Variants in EMP1 observed in about 807,000 individuals in gnomAD.
EMP1 encodes the protein epithelial membrane protein 1.
EMP1 carries 5 observed loss-of-function variants against 15.7 expected under a neutral mutation model. The ratio of observed to expected loss-of-function variants is 0.32; its 90% CI spans 0.17 to 0.67. EMP1 has a LOEUF of 0.67. Ranked by LOEUF, EMP1 falls within the 30% of genes least tolerant of loss-of-function variation. The pLI, the probability that EMP1 is intolerant of heterozygous loss-of-function variation, is 0.74. For missense variants in EMP1, 166 were observed against 194.2 expected (o/e 0.85, Z 0.86); for synonymous variants, 78 against 76.7 (o/e 1.02, Z -0.09).
In EMP1 at chr12:13,213,483, G is replaced by T. The variant is rs1410811544; in HGVS notation, c.83G>T (p.Trp28Leu). Residue 28 changes from tryptophan to leucine, a missense_variant, in exon 3 of 5, where the codon TGG becomes TTG. Physicochemically the swap from Trp to Leu is moderately conservative, Grantham distance 61 (BLOSUM62 -2). Coordinates refer to ENST00000256951, the MANE Select transcript of EMP1 (RefSeq NM_001423.3). ...MLFVSTIANV[W>L]LVSNTVDASV... Reference sequence around the variant, plus strand: ...TTTCTTTCCTTCTGGTTTCAGGTCTGGTTGGTTTCCAATACGGTAGATGCA... The same window carrying T: ...TTTCTTTCCTTCTGGTTTCAGGTCTTGTTGGTTTCCAATACGGTAGATGCA... The T allele has an allele frequency of 6.2e-7, 1 of 1,614,040 alleles. No individual in the cohort carries two copies. Among genetic ancestry groups the T allele is most frequent in the Non-Finnish European group, 8.5e-7 (1 of 1,179,948 alleles).
chr12:13,207,957 G>A (rs1208761195), intron 1 of EMP1, among the ~76,000 whole-genome samples: 1 of 152,196 alleles, frequency 6.6e-6, no homozygotes, highest in Admixed American at 6.5e-5. Context: ...CAAAAAGCGG[G>A]TCTTGCTTCA....
chr12:13,206,017 A>G (rs910724038), intron 1 of EMP1, among the ~76,000 whole-genome samples: 2 of 152,090 alleles, frequency 1.3e-5, no homozygotes, highest in Non-Finnish European at 2.9e-5. Flanking sequence ...GGTAGAAGAT[A>G]TGTTAGAGGG....
intron 1 of EMP1, among the ~76,000 whole-genome samples, chr12:13,207,607 G>A (rs750584673): frequency 3.3e-5 from 5 of 152,190 alleles, no homozygotes; most frequent in African/African-American, 9.7e-5. Flanking sequence ...GTGTGGCTCC[G>A]AGGTGCTGAT....
In EMP1 at chr12:13,218,066, A is replaced by G. The variant is rs1426830983; in HGVS notation, c.*3375A>G. ...GGTGAAATTTGTGCAAATTATGAGTATAAAGAGGGTGAGCTACAGAACTCT... is the reference window on the plus strand; with the variant it reads ...GGTGAAATTTGTGCAAATTATGAGTGTAAAGAGGGTGAGCTACAGAACTCT... On this transcript the variant is annotated 3_prime_UTR_variant, in exon 5 of 5. Transcript: ENST00000256951. 1 of 152,238 alleles carries G rather than the reference A, an allele frequency of 6.6e-6. No individual in the cohort carries two copies. The highest frequency in any genetic ancestry group is 1.9e-4 in the East Asian group (1 of 5,200). 9.4% of individuals were successfully genotyped at this position (152,238 alleles called of 1,614,324 possible). A position where few individuals can be genotyped will look rare whatever the true frequency, so the allele number is the denominator to read the frequency against.
Position 13,211,775 on chromosome 12 carries a change from C to T in EMP1, c.78+187C>T. On this transcript the variant is annotated intron_variant, in intron 2 of 4. Coordinates refer to ENST00000256951, the MANE Select transcript of EMP1 (RefSeq NM_001423.3). This position sits in a 1 kb window ranked among gnomAD's most constrained non-coding sequence, Gnocchi z 4.7. Reference sequence around the variant, plus strand: ...TAACAGGAGGATAAAAGTGAATGTCCACAGGAGTAATCCTGCCAGAGCTGT... The same window carrying T: ...TAACAGGAGGATAAAAGTGAATGTCTACAGGAGTAATCCTGCCAGAGCTGT... 1.6e-6 allele frequency: 1 copy of T among 637,076 alleles called. No individual in the cohort carries two copies. Among genetic ancestry groups the T allele is most frequent in the Non-Finnish European group, 2.7e-6 (1 of 370,936 alleles). 39.5% of individuals were successfully genotyped at this position (637,076 alleles called of 1,614,324 possible). A position where few individuals can be genotyped will look rare whatever the true frequency, so the allele number is the denominator to read the frequency against.
intron 1 of EMP1, among the ~76,000 whole-genome samples, chr12:13,208,213 C>T (rs138017320): frequency 6.6e-6 from 1 of 152,254 alleles, no homozygotes; most frequent in African/African-American, 2.4e-5. Flanking sequence ...GCAAGATTCA[C>T]AATGGGGCAG....
At chr12:13,204,613 G>A (rs1278728188) in intron 1 of EMP1, among the ~76,000 whole-genome samples, 1 of 152,202 alleles carries the variant, frequency 6.6e-6, no homozygotes, top group African/African-American at 2.4e-5. Flanking sequence ...GGCAGCTGCG[G>A]AGTTTCAGGT....
chr12:13,207,907 C>T lies in EMP1; in HGVS notation c.-42-3562C>T, dbSNP rs1864128889. ...CAAATGAACGCTGTTATGAGCGTTC[C>T]CCTACAACTTTGGAACTGCTCAGTG... On this transcript the variant is annotated intron_variant, in intron 1 of 4. Transcript: ENST00000256951. Among the ~76,000 whole-genome samples, 4 of 152,162 alleles carry T rather than the reference C, an allele frequency of 2.6e-5. No individual in the cohort carries two copies. In the South Asian group the frequency reaches 8.3e-4, roughly 32 times the overall value.
intron 4 of EMP1, chr12:13,214,026 C>A: frequency 2.5e-6 from 2 of 787,324 alleles, no homozygotes; most frequent in South Asian, 1.5e-5. Context: ...AAAACCAGTG[C>A]TCCTGGGTAG....
At position 13,202,827 on chromosome 12, in the gene EMP1, A is replaced by G. The variant is rs1864077807; in HGVS notation, c.-43+5955A>G. 2.6e-5 allele frequency among the ~76,000 whole-genome samples: 4 copies of G among 152,260 alleles called. No homozygotes were observed. The South Asian group carries it at 8.3e-4, about 32-fold the overall frequency. On this transcript the variant is annotated intron_variant, in intron 1 of 4. Coordinates refer to ENST00000256951, the MANE Select transcript of EMP1 (RefSeq NM_001423.3). ...AGAGAGGGTAGGAGGAAAAGAGAGA[A>G]CAGTAGATCTGGTAGAAGTTCTAGA...
At chr12:13,208,506 T>C (rs1049553361) in intron 1 of EMP1, among the ~76,000 whole-genome samples, 4 of 152,182 alleles carry the variant, frequency 2.6e-5, no homozygotes, top group Admixed American at 1.3e-4. Flanking sequence ...TTCACCTGTG[T>C]TGGGGGGAAG....
In EMP1 at chr12:13,214,058, C is replaced by G. The variant is rs1293902151; in HGVS notation, c.316+237C>G. 3 of 687,394 alleles carry G rather than the reference C, an allele frequency of 4.4e-6. No individual in the cohort carries two copies. The Admixed American group carries it at 6.2e-5, about 14-fold the overall frequency. 42.6% of individuals were successfully genotyped at this position (687,394 alleles called of 1,614,324 possible). On this transcript the variant is annotated intron_variant, in intron 4 of 4. Coordinates refer to ENST00000256951, the MANE Select transcript of EMP1 (RefSeq NM_001423.3). ...GTAGCTACCAAGTGGCAGTGCATAT[C>G]TGTTAGTAGCACGTGTGTACAAGAC...
intron 4 of EMP1, chr12:13,214,333 G>C: frequency 4.4e-6 from 3 of 689,628 alleles, no homozygotes; most frequent in South Asian, 3.9e-5. Flanking sequence ...GCAGACATGA[G>C]AGCCCAGACA....
At chr12:13,213,336 C>T (rs1327666200) in intron 2 of EMP1, 143 bp from the exon 3 acceptor site, 3 of 729,792 alleles carry the variant, frequency 4.1e-6, no homozygotes, top group Middle Eastern at 3.8e-4. Flanking sequence ...TTATTTCCGC[C>T]CACAGATAAG....
chr12:13,216,301 G>A lies in EMP1; in HGVS notation c.*1610G>A, dbSNP rs56095585. 47 of 686,744 alleles carry A rather than the reference G, an allele frequency of 6.8e-5. No individual in the cohort carries two copies. The African/African-American group carries it at 7.8e-4, about 11-fold the overall frequency. The allele number at this position is 686,744 out of a possible 1,614,324, so 42.5% of individuals were successfully genotyped here. On this transcript the variant is annotated 3_prime_UTR_variant, in exon 5 of 5. Coordinates refer to ENST00000256951, the MANE Select transcript of EMP1 (RefSeq NM_001423.3). ...CCTTTCCTTTTTGGGGAGTTGTTAT[G>A]CCATGATTTTTGGTATTTATGTAAA...
chr12:13,207,194 C>T (rs929715036), intron 1 of EMP1, among the ~76,000 whole-genome samples: 4 of 152,080 alleles, frequency 2.6e-5, no homozygotes, highest in Non-Finnish European at 5.9e-5. Flanking sequence ...TTTTTGCAAC[C>T]TCCGCCTCCC....
chr12:13,212,516 C>T (rs563651268), intron 2 of EMP1, among the ~76,000 whole-genome samples: 1 of 152,308 alleles, frequency 6.6e-6, no homozygotes, highest in South Asian at 2.1e-4. Flanking sequence ...AAGACAACCC[C>T]CGCCCACGTG....
chr12:13,213,337 C>A (rs1352486459), intron 2 of EMP1, 142 bp from the exon 3 acceptor site: 2 of 733,374 alleles, frequency 2.7e-6, no homozygotes, highest in African/African-American at 1.8e-5. Context: ...TATTTCCGCC[C>A]ACAGATAAGC....
chr12:13,202,867 C>T (rs751379270), intron 1 of EMP1, among the ~76,000 whole-genome samples: 4 of 152,148 alleles, frequency 2.6e-5, no homozygotes, highest in Admixed American at 6.5e-5. Flanking sequence ...CCACCAAACC[C>T]TAAGCCAAGA....
Sources: gnomAD v4.1 joint callset for allele counts (sites outside exome capture counted in the v4.1 genomes callset) on GRCh38, gnomAD v4.1.1 for gene constraint, Gnocchi (gnomAD v3.1) non-coding constraint, MANE v1.5 for transcripts, NCBI Gene and HGNC (gene_info 2026-07-23, HGNC 2026-07-21) for gene names.